PIK3C2A: variants seen among roughly 807,000 people sequenced by gnomAD.
The protein encoded by PIK3C2A is phosphatidylinositol-4-phosphate 3-kinase catalytic subunit type 2 alpha.
Under a neutral mutation model 204.5 loss-of-function variants are expected in PIK3C2A, and 97 were observed. The ratio of observed to expected loss-of-function variants is 0.47; its 90% CI spans 0.40 to 0.56. The LOEUF (loss-of-function observed/expected upper bound fraction) is 0.56. PIK3C2A is among the 20% of genes least tolerant of loss of function. The pLI is 0.00. For synonymous variants in PIK3C2A, 653 were observed against 664.4 expected (o/e 0.98, Z 0.26); for missense variants, 1,735 against 1,969.2 (o/e 0.88, Z 2.25).
chr11:17,168,592 CAAAAA>C, intron 2 of PIK3C2A, 80 bp downstream of exon 2: 1 of 1,067,454 alleles, frequency 9.4e-7, no homozygotes, highest in Middle Eastern at 2.2e-4. Context: ...AAAACAAAAA[CAAAAA>C]CAAAAAAACA....
At chr11:17,197,435 AC>A (rs113810555) in intron 1 of PIK3C2A, among the ~76,000 whole-genome samples, 6 of 152,206 alleles carry the variant, frequency 3.9e-5, no homozygotes, top group African/African-American at 9.6e-5. Context: ...CAATGGTTGC[AC>A]CATAGCTTAA....
At chr11:17,185,533 A>T (rs677042) in intron 1 of PIK3C2A, among the ~76,000 whole-genome samples, 74,185 of 152,000 alleles carry the variant, frequency 0.49, 19,047 homozygotes, top group East Asian at 0.81. Context: ...CTACTAAGGA[A>T]AAGGTGGGGA....
chr11:17,138,303 A>G, intron 8 of PIK3C2A: 5 of 594,196 alleles, frequency 8.4e-6, no homozygotes, highest in Non-Finnish European at 1.2e-5. Context: ...AATGCCCCGG[A>G]AGACGAAAAA....
chr11:17,162,270 C>T (rs971860766), intron 2 of PIK3C2A, among the ~76,000 whole-genome samples: 1 of 150,598 alleles, frequency 6.6e-6, no homozygotes, highest in Admixed American at 6.7e-5. Context: ...GAACCCGAGA[C>T]GTGGAGGTTG....
intron 21 of PIK3C2A, among the ~76,000 whole-genome samples, chr11:17,112,028 AATTT>A (rs1310916102): frequency 1.3e-5 from 2 of 152,152 alleles, no homozygotes; most frequent in East Asian, 3.8e-4. Context: ...AGTACAAAGG[AATTT>A]ATTATATATA....
At chr11:17,126,870 A>G (rs890592424) in intron 13 of PIK3C2A, among the ~76,000 whole-genome samples, 1 of 152,194 alleles carries the variant, frequency 6.6e-6, no homozygotes, top group African/African-American at 2.4e-5. Flanking sequence ...ATCTAACAAA[A>G]CCATTTATTA....
At chr11:17,177,605 T>C (rs1028828034) in intron 1 of PIK3C2A, among the ~76,000 whole-genome samples, 1 of 152,132 alleles carries the variant, frequency 6.6e-6, no homozygotes. Context: ...TCCATCTCTG[T>C]TAAAAGGAAA....
Position 17,203,369 on chromosome 11 carries a change from C to T in PIK3C2A, c.-66+4479G>A, listed in dbSNP as rs113061547. 2.2e-3 allele frequency among the ~76,000 whole-genome samples: 326 copies of T among 151,618 alleles called. 1 individual carries two copies. Among genetic ancestry groups the T allele is most frequent in the African/African-American group, 7.5e-3 (312 of 41,374 alleles). ...AAGAAAGAAAAAAAGAAATAACATA[C>T]TGTAGAAAAAAAGGATACAAAGTAT... On this transcript the variant is annotated intron_variant, in intron 1 of 32. Transcript: ENST00000691414.
intron 2 of PIK3C2A, among the ~76,000 whole-genome samples, chr11:17,164,660 C>T (rs922224103): frequency 6.6e-6 from 1 of 152,160 alleles, no homozygotes; most frequent in Non-Finnish European, 1.5e-5. Flanking sequence ...CTCTCATAAT[C>T]CATTTGCTTA....
rs1301198931 is a variant in PIK3C2A, at chr11:17,168,450, G to A, written c.1065+227C>T. Among the ~76,000 whole-genome samples, 6 of 151,996 alleles carry A rather than the reference G, an allele frequency of 3.9e-5. No homozygotes were observed. In the South Asian group the frequency reaches 6.2e-4, roughly 16 times the overall value. On this transcript the variant is annotated intron_variant, in intron 2 of 32. Coordinates refer to ENST00000691414, the MANE Select transcript of PIK3C2A (RefSeq NM_002645.4). ...CACAAAATTAGCCGGGTGTGGTGGC[G>A]GGTGCCTGTAGTCCCAGCCACTCGG...
chr11:17,205,892 G>A (rs574050321), intron 1 of PIK3C2A, among the ~76,000 whole-genome samples: 4 of 152,272 alleles, frequency 2.6e-5, no homozygotes, highest in African/African-American at 9.6e-5. Flanking sequence ...AGGCCAAGAC[G>A]GGCAGATCAC....
intron 2 of PIK3C2A, among the ~76,000 whole-genome samples, chr11:17,161,192 T>C (rs774006494): frequency 6.6e-6 from 1 of 152,220 alleles, no homozygotes; most frequent in Admixed American, 6.5e-5. Flanking sequence ...AGAAATTATA[T>C]GGAACACAAC....
chr11:17,185,457 A>G (rs1320000264), intron 1 of PIK3C2A, among the ~76,000 whole-genome samples: 1 of 152,148 alleles, frequency 6.6e-6, no homozygotes, highest in Admixed American at 6.5e-5. Context: ...GCAACACATG[A>G]CTGTACACAT....
chr11:17,106,317 C>T (rs1216975779), intron 22 of PIK3C2A, among the ~76,000 whole-genome samples: 1 of 151,848 alleles, frequency 6.6e-6, no homozygotes, highest in Non-Finnish European at 1.5e-5. Flanking sequence ...GAGGCTGATG[C>T]ATGAGAATTA....
intron 13 of PIK3C2A, among the ~76,000 whole-genome samples, chr11:17,125,638 C>T (rs1011994384): frequency 6.6e-6 from 1 of 152,026 alleles, no homozygotes; most frequent in Non-Finnish European, 1.5e-5. Flanking sequence ...TCTCAGCCTC[C>T]CAAGTAGCTG....
chr11:17,146,098 C>A (rs1850234750), intron 6 of PIK3C2A, among the ~76,000 whole-genome samples, 156 bp from the exon 7 acceptor site: 1 of 152,070 alleles, frequency 6.6e-6, no homozygotes, highest in South Asian at 2.1e-4. Context: ...TTATTTGTAA[C>A]TGACTCAGAA....
rs769634961 is a variant in PIK3C2A at position 17,092,233 on chromosome 11, C to T, written c.4495G>A (p.Val1499Ile). 8.1e-6 allele frequency: 13 copies of T among 1,603,026 alleles called. No individual in the cohort carries two copies. In the South Asian group the frequency reaches 1.4e-4, roughly 18 times the overall value. Reference sequence around the variant, plus strand: ...AACTCAATTTTCCTTTTGGCTGCTACATCTTTTATGTGTGTTCTTCCTAGA... The same window carrying T: ...AACTCAATTTTCCTTTTGGCTGCTATATCTTTTATGTGTGTTCTTCCTAGA... ...MVLGRTHIKD[V>I]AAKRKIELNS... is the part of the protein sequence containing the mutation. The change falls in exon 29 of 33, where the codon GTA becomes ATA. Residue 1499 changes from valine to isoleucine, a missense_variant. By Grantham distance (29) the Val-to-Ile change is conservative. Around this residue, in one of 6 missense-constraint regions of PIK3C2A, gnomAD observed 503 missense variants for 669.0 expected, o/e 0.75. Transcript: ENST00000691414.
chr11:17,113,314 A>C (rs1849059775), intron 20 of PIK3C2A, among the ~76,000 whole-genome samples: 1 of 152,156 alleles, frequency 6.6e-6, no homozygotes, highest in South Asian at 2.1e-4. Context: ...CAAACTTTAA[A>C]GTTTGAGCTT....
intron 2 of PIK3C2A, among the ~76,000 whole-genome samples, chr11:17,164,629 T>C (rs1246141409): frequency 2.6e-5 from 4 of 152,210 alleles, no homozygotes; most frequent in Non-Finnish European, 5.9e-5. Flanking sequence ...TATTATTGCT[T>C]ACCCAGTTTC....
Sources: gnomAD v4.1 joint callset for allele counts (sites outside exome capture counted in the v4.1 genomes callset) on GRCh38, gnomAD v4.1.1 for gene constraint, gnomAD v4.1.1 regional missense constraint, MANE v1.5 for transcripts, NCBI Gene and HGNC (gene_info 2026-07-23, HGNC 2026-07-21) for gene names.